Variants in IYD observed in about 807,000 individuals in gnomAD.
IYD encodes iodotyrosine deiodinase 1.
In IYD, 25 loss-of-function variants were observed where a neutral mutation model predicts 28.4. That is an observed-to-expected ratio of 0.88 (90% CI 0.64 to 1.23). IYD has a LOEUF of 1.23. IYD is among the 50% of genes most tolerant of loss of function. IYD has a pLI of 0.00. For synonymous variants in IYD, 140 were observed against 130.8 expected, an observed-to-expected ratio of 1.07 and a Z score of -0.48; for missense variants, 352 against 357.9, an observed-to-expected ratio of 0.98 and a Z score of 0.13.
chr6:150,389,964 TG>T (rs1490617090), intron 2 of IYD, among the ~76,000 whole-genome samples: 1 of 152,158 alleles, frequency 6.6e-6, no homozygotes, highest in East Asian at 1.9e-4. Context: ...TTACACACCA[TG>T]ATGCTGTAGT....
chr6:150,374,496 C>A (rs1777374560), intron 1 of IYD, among the ~76,000 whole-genome samples: 1 of 152,192 alleles, frequency 6.6e-6, no homozygotes. Flanking sequence ...AGATGCCTCG[C>A]AATCATGGTA....
In IYD at chr6:150,405,159, G is replaced by A. The variant is rs975644806; in HGVS notation, c.*6922G>A. ...CTGACCAGGTGAGTATGGTAAATGT[G>A]GCAAGTATTCTCAAGTGAGCTCATC... On this transcript the variant is annotated 3_prime_UTR_variant, in exon 5 of 5. Transcript: ENST00000344419. 5 of 152,164 alleles carry A rather than the reference G, an allele frequency of 3.3e-5. No homozygotes were observed. The highest frequency in any genetic ancestry group is 7.2e-5 in the African/African-American group (3 of 41,414). The allele number at this position is 152,164 out of a possible 1,614,324, so 9.4% of individuals were successfully genotyped here.
At chr6:150,386,988 T>A (rs2115041783) in intron 1 of IYD, among the ~76,000 whole-genome samples, 1 of 152,326 alleles carries the variant, frequency 6.6e-6, no homozygotes, top group African/African-American at 2.4e-5. Context: ...TTCTGTGTTC[T>A]TCCCGAGGTA....
Position 150,389,383 on chromosome 6 carries a change from T to C in IYD, c.210T>C (p.Asn70=), listed in dbSNP as rs1487874844. The change falls in exon 2 of 5, where the codon AAT becomes AAC. Residue 70 remains asparagine (N), a synonymous_variant. Coordinates refer to ENST00000344419, the MANE Select transcript of IYD (RefSeq NM_203395.3). ...DADEWQESEE[N]VEHIPFSHNH... is the part of the protein sequence containing the mutation. Reference sequence around the variant, plus strand: ...ATGAATGGCAAGAATCAGAAGAAAATGTTGAACACATCCCCTTCTCTCATA... The same window carrying C: ...ATGAATGGCAAGAATCAGAAGAAAACGTTGAACACATCCCCTTCTCTCATA... 2.5e-6 allele frequency: 4 copies of C among 1,613,954 alleles called. No individual in the cohort carries two copies. Among genetic ancestry groups the C allele is most frequent in the Middle Eastern group, 1.6e-4 (1 of 6,062 alleles).
intron 2 of IYD, among the ~76,000 whole-genome samples, chr6:150,389,841 T>C (rs1778044134): frequency 6.6e-6 from 1 of 152,158 alleles, no homozygotes; most frequent in Non-Finnish European, 1.5e-5. Context: ...ATTATATTAA[T>C]ATATTGGAGG....
chr6:150,378,966 G>A (rs191215814), intron 1 of IYD, among the ~76,000 whole-genome samples: 40 of 152,286 alleles, frequency 2.6e-4, no homozygotes, highest in South Asian at 6.2e-4. Flanking sequence ...CATGCTCATC[G>A]CTTCCAGAGG....
rs1778468850 is a variant in IYD, at chr6:150,400,219, T to G, written c.*1982T>G. 6.6e-6 allele frequency: 1 copy of G among 152,172 alleles called. No homozygotes were observed. Among genetic ancestry groups the G allele is most frequent in the South Asian group, 2.1e-4 (1 of 4,818 alleles). 9.4% of individuals were successfully genotyped at this position (152,172 alleles called of 1,614,324 possible). On this transcript the variant is annotated 3_prime_UTR_variant, in exon 5 of 5. Transcript: ENST00000344419. Reference sequence around the variant, plus strand: ...CCCATCAGAGACCAACTTGAAAGATTTTTTTCTCTGTGTAGTTCGTGTTAT... The same window carrying G: ...CCCATCAGAGACCAACTTGAAAGATGTTTTTCTCTGTGTAGTTCGTGTTAT...
intron 1 of IYD, 75 bp downstream of exon 1, chr6:150,369,284 T>C: frequency 7.0e-7 from 1 of 1,433,394 alleles, no homozygotes; most frequent in Non-Finnish European, 9.7e-7. Context: ...ATGGCAGGGC[T>C]TATGGAGAGG....
chr6:150,386,045 T>C (rs1562316158), intron 1 of IYD, among the ~76,000 whole-genome samples: 1 of 152,074 alleles, frequency 6.6e-6, no homozygotes, highest in African/African-American at 2.4e-5. Flanking sequence ...GCCAATTTAA[T>C]CAGTTTCTAC....
At chr6:150,379,699 G>T (rs1379524047) in intron 1 of IYD, among the ~76,000 whole-genome samples, 1 of 152,186 alleles carries the variant, frequency 6.6e-6, no homozygotes, top group East Asian at 1.9e-4. Context: ...GAGGAAGAGA[G>T]TGAAAATTAA....
chr6:150,401,625 T>C lies in IYD; in HGVS notation c.*3388T>C, dbSNP rs1778513239. ...CTTCCTTCTCACTGCAGCCCCAAGC[T>C]CTTATTAACCTTCTTTTATGTGTTC... On this transcript the variant is annotated 3_prime_UTR_variant, in exon 5 of 5. Coordinates refer to ENST00000344419, the MANE Select transcript of IYD (RefSeq NM_203395.3). 2.0e-5 allele frequency: 3 copies of C among 152,200 alleles called. No individual in the cohort carries two copies. Among genetic ancestry groups the C allele is most frequent in the Non-Finnish European group, 2.9e-5 (2 of 68,058 alleles). 9.4% of individuals were successfully genotyped at this position (152,200 alleles called of 1,614,324 possible). A position where few individuals can be genotyped will look rare whatever the true frequency, so the allele number is the denominator to read the frequency against.
chr6:150,369,314 G>A (rs1777135963), intron 1 of IYD, 105 bp downstream of exon 1: 1 of 1,058,694 alleles, frequency 9.4e-7, no homozygotes, highest in African/African-American at 1.6e-5. Context: ...ACACAGGCCA[G>A]CTTCAACATC....
Position 150,398,449 on chromosome 6 carries a change from G to A in IYD, c.*212G>A. On this transcript the variant is annotated 3_prime_UTR_variant, in exon 5 of 5. Coordinates refer to ENST00000344419, the MANE Select transcript of IYD (RefSeq NM_203395.3). ...CCTGTTTCTTATCCACTTTGGAAAT[G>A]CATGAACACTTTACAAAGAACATGC... 1.7e-6 allele frequency: 1 copy of A among 573,402 alleles called. No homozygotes were observed. The highest frequency in any genetic ancestry group is 3.1e-6 in the Non-Finnish European group (1 of 322,082). The allele number at this position is 573,402 out of a possible 1,614,324, so 35.5% of individuals were successfully genotyped here. A position where few individuals can be genotyped will look rare whatever the true frequency, so the allele number is the denominator to read the frequency against.
rs1778461806 is a variant in IYD at position 150,400,002 on chromosome 6, A to G, written c.*1765A>G. ...TTGGCATGCTGCTCGGTACATGGTT[A>G]ACATTCATAAATGGTGGGGGCCCTT... On this transcript the variant is annotated 3_prime_UTR_variant, in exon 5 of 5. Coordinates refer to ENST00000344419, the MANE Select transcript of IYD (RefSeq NM_203395.3). The G allele has an allele frequency of 6.6e-6, 1 of 152,226 alleles. No individual in the cohort carries two copies. 9.4% of individuals were successfully genotyped at this position (152,226 alleles called of 1,614,324 possible). A position where few individuals can be genotyped will look rare whatever the true frequency, so the allele number is the denominator to read the frequency against.
chr6:150,385,879 G>T (rs1388922049), intron 1 of IYD, among the ~76,000 whole-genome samples: 2 of 151,604 alleles, frequency 1.3e-5, no homozygotes, highest in Non-Finnish European at 2.9e-5. Flanking sequence ...TAAGAAATTT[G>T]TCTATTTTAT....
intron 4 of IYD, chr6:150,395,984 T>C (rs1214033969): frequency 8.2e-6 from 3 of 364,786 alleles, no homozygotes; most frequent in East Asian, 4.6e-5. Flanking sequence ...TCTGTAGTCA[T>C]AGGAACTTGC....
chr6:150,370,324 TGGGTGAGTGTGC>T (rs748944479), intron 1 of IYD: 4,656 of 178,340 alleles, frequency 0.026, 249 homozygotes, highest in African/African-American at 0.11. Context: ...TGTGCACGAG[TGGGTGAGTGTGC>T]GTGTGAGTGT....
At chr6:150,394,682 G>A (rs771318044) in intron 4 of IYD, among the ~76,000 whole-genome samples, 9 of 152,206 alleles carry the variant, frequency 5.9e-5, no homozygotes, top group Admixed American at 1.3e-4. Context: ...CATGGCATTA[G>A]GAAGAAGGTC....
chr6:150,390,226 G>A (rs995309671), intron 2 of IYD, among the ~76,000 whole-genome samples: 4 of 152,092 alleles, frequency 2.6e-5, no homozygotes, highest in Middle Eastern at 3.2e-3. Context: ...TTAATCTATT[G>A]TCCAATGTGA....
Sources: gnomAD v4.1 joint callset for allele counts (sites outside exome capture counted in the v4.1 genomes callset) on GRCh38, gnomAD v4.1.1 for gene constraint, MANE v1.5 for transcripts, NCBI Gene and HGNC (gene_info 2026-07-23, HGNC 2026-07-21) for gene names.